FIP1L1: variants seen among roughly 807,000 people sequenced by gnomAD.
FIP1L1 encodes the protein pre-mRNA 3'-end-processing factor FIP1.
A neutral mutation model predicts 84.6 loss-of-function variants in FIP1L1; 21 were observed. The observed-to-expected ratio is 0.25, with a 90% CI of 0.18 to 0.36. The LOEUF is 0.36. Among genes scored for constraint, FIP1L1 ranks in the 10% least tolerant of loss-of-function variants. FIP1L1 has a pLI of 1.00. For missense variants in FIP1L1, 526 were observed against 751.1 expected (o/e 0.70, Z 3.50); for synonymous variants, 263 against 242.3 (o/e 1.09, Z -0.80).
chr4:53,420,026 C>T (rs1448957937), intron 11 of FIP1L1, among the ~76,000 whole-genome samples: 1 of 151,630 alleles, frequency 6.6e-6, no homozygotes, highest in Non-Finnish European at 1.5e-5. Flanking sequence ...GCAACCCCGT[C>T]TCTACTAAAA....
chr4:53,406,506 G>A (rs1187465774), intron 10 of FIP1L1, among the ~76,000 whole-genome samples: 4 of 152,158 alleles, frequency 2.6e-5, no homozygotes, highest in Non-Finnish European at 5.9e-5. Flanking sequence ...TTTGGTATCA[G>A]GATGATGCTG....
intron 15 of FIP1L1, among the ~76,000 whole-genome samples, chr4:53,448,552 A>G (rs758902420): frequency 6.6e-6 from 1 of 152,102 alleles, no homozygotes; most frequent in African/African-American, 2.4e-5. Flanking sequence ...TGTAATCCTG[A>G]CAGTTTTAAA....
At chr4:53,390,039 A>G (rs868511712) in intron 6 of FIP1L1, among the ~76,000 whole-genome samples, 166 bp downstream of exon 6, 18 of 151,988 alleles carry the variant, frequency 1.2e-4, no homozygotes, top group African/African-American at 4.4e-4. Flanking sequence ...CCTGGGCTCA[A>G]ACCATCCTCC....
chr4:53,451,158 A>G (rs1259774353), intron 15 of FIP1L1, among the ~76,000 whole-genome samples: 1 of 151,094 alleles, frequency 6.6e-6, no homozygotes, highest in Non-Finnish European at 1.5e-5. Context: ...TTTAGTAGAG[A>G]CAGGGTTTCA....
In FIP1L1 at chr4:53,410,515, G is replaced by C. The variant is rs145530672; in HGVS notation, c.816-4100G>C. Among the ~76,000 whole-genome samples the C allele has an allele frequency of 8.7e-4, 133 of 152,246 alleles. 3 individuals carry two copies. In the East Asian group the frequency reaches 0.023, roughly 27 times the overall value. Reference sequence around the variant, plus strand: ...GGGCCAAATGTGTTGTTGATGTTGCGAGTTGTCTCTGCTGCTTTATGACCC... The same window carrying C: ...GGGCCAAATGTGTTGTTGATGTTGCCAGTTGTCTCTGCTGCTTTATGACCC... On this transcript the variant is annotated intron_variant, in intron 10 of 17. Transcript: ENST00000337488.
rs1299680109 is a variant in FIP1L1, at chr4:53,389,850, G to A, written c.374G>A (p.Gly125Glu). 1.2e-6 allele frequency: 2 copies of A among 1,601,092 alleles called. No individual in the cohort carries two copies. The highest frequency in any genetic ancestry group is 1.4e-5 in the African/African-American group (1 of 73,662). The change falls in exon 6 of 18, where the codon GGG becomes GAG. Residue 125 changes from glycine to glutamate, a missense_variant. Physicochemically the swap from Gly to Glu is moderately conservative, Grantham distance 98 (BLOSUM62 -2). Coordinates refer to ENST00000337488, the MANE Select transcript of FIP1L1 (RefSeq NM_030917.4). ...TAPVNLNIKTGGRVYGTTGTK... is the reference protein window; with the variant it reads ...TAPVNLNIKTEGRVYGTTGTK... ...CCTGTAAATCTTAACATCAAGACAG[G>A]GGGAAGAGTTTATGGAACTACAGGT... is the stretch of plus-strand genomic sequence containing the variant.
chr4:53,408,806 AT>A (rs1755340369), intron 10 of FIP1L1, among the ~76,000 whole-genome samples: 1 of 152,130 alleles, frequency 6.6e-6, no homozygotes, highest in Admixed American at 6.5e-5. Flanking sequence ...AGGCTTCTGC[AT>A]TCTTCACGTA....
At chr4:53,404,215 G>A (rs1378465045) in intron 10 of FIP1L1, among the ~76,000 whole-genome samples, 2 of 127,256 alleles carry the variant, frequency 1.6e-5, no homozygotes, top group African/African-American at 6.2e-5. Context: ...CTGTGTCCAT[G>A]TGTTCTCATT....
intron 10 of FIP1L1, among the ~76,000 whole-genome samples, chr4:53,410,288 C>G (rs1452257443): frequency 6.6e-6 from 1 of 152,182 alleles, no homozygotes; most frequent in East Asian, 1.9e-4. Flanking sequence ...GCTTTTTCAC[C>G]TTTCTGATTT....
At position 53,444,029 on chromosome 4, in the gene FIP1L1, A is replaced by G. The variant is rs377359139; in HGVS notation, c.1230-19A>G. The G allele has an allele frequency of 5.4e-5, 85 of 1,583,766 alleles. No homozygotes were observed. The African/African-American group carries it at 9.6e-4, about 18-fold the overall frequency. ...ACTTATTTGTACCAGACATAAAAAT[A>G]TATCTTTTTCTTCAACAGTGGACAT... is the stretch of plus-strand genomic sequence containing the variant. On this transcript the variant is annotated intron_variant, in intron 14 of 17. Transcript: ENST00000337488.
chr4:53,425,320 G>A (rs1464934151), intron 11 of FIP1L1, among the ~76,000 whole-genome samples: 1 of 151,960 alleles, frequency 6.6e-6, no homozygotes, highest in Non-Finnish European at 1.5e-5. Context: ...GGTGAGGCGG[G>A]TATTTAAATA....
chr4:53,390,495 CTTCA>C, intron 6 of FIP1L1, 22 bp from the exon 7 acceptor site: 1 of 1,488,254 alleles, frequency 6.7e-7, no homozygotes, highest in Non-Finnish European at 9.3e-7. Context: ...AGTATAGCTC[CTTCA>C]TTTTGTAATT....
At chr4:53,399,698 A>C in intron 9 of FIP1L1, 32 bp from the exon 10 acceptor site, 1 of 1,438,194 alleles carries the variant, frequency 7.0e-7, no homozygotes. Context: ...GTTCTGTTAA[A>C]TTCAACAAGC....
At chr4:53,420,788 A>G (rs1762102781) in intron 11 of FIP1L1, among the ~76,000 whole-genome samples, 1 of 152,130 alleles carries the variant, frequency 6.6e-6, no homozygotes, top group Admixed American at 6.5e-5. Context: ...GGGCTCAAGT[A>G]CCACAAAACT....
At chr4:53,455,623 C>A (rs1718498497) in intron 16 of FIP1L1, among the ~76,000 whole-genome samples, 1 of 152,060 alleles carries the variant, frequency 6.6e-6, no homozygotes, top group Admixed American at 6.6e-5. Context: ...TAAACAGTTA[C>A]ACTAGTGCCT....
At chr4:53,398,426 G>T (rs1459252461) in intron 9 of FIP1L1, among the ~76,000 whole-genome samples, 1 of 152,140 alleles carries the variant, frequency 6.6e-6, no homozygotes, top group Non-Finnish European at 1.5e-5. Context: ...GACTATAATG[G>T]CTCAAGTGTA....
At chr4:53,386,057 T>A (rs1740898441) in intron 5 of FIP1L1, among the ~76,000 whole-genome samples, 1 of 145,504 alleles carries the variant, frequency 6.9e-6, no homozygotes, top group Non-Finnish European at 1.5e-5. Flanking sequence ...TTTTTTTGCG[T>A]AACATACCTT....
At chr4:53,438,573 A>G (rs926157420) in intron 13 of FIP1L1, among the ~76,000 whole-genome samples, 25 of 152,308 alleles carry the variant, frequency 1.6e-4, no homozygotes, top group African/African-American at 5.3e-4. Context: ...TGCCATGCCA[A>G]CTTTCTGATG....
chr4:53,382,207 AT>A (rs1738459771), intron 3 of FIP1L1, 70 bp from the exon 4 acceptor site: 1 of 1,054,202 alleles, frequency 9.5e-7, no homozygotes, highest in African/African-American at 1.6e-5. Flanking sequence ...AAGCTTAGAA[AT>A]ACTAATATAA....
Sources: allele counts gnomAD v4.1 joint callset (sites outside exome capture counted in the v4.1 genomes callset), GRCh38; gene constraint gnomAD v4.1.1; transcripts MANE v1.5; gene names NCBI Gene and HGNC (gene_info 2026-07-23, HGNC 2026-07-21).